ZNF407: variants seen among roughly 807,000 people sequenced by gnomAD.
ZNF407 encodes the protein zinc finger protein 407.
A neutral mutation model predicts 131.2 loss-of-function variants in ZNF407; 17 were observed. That is an observed-to-expected ratio of 0.13 (90% CI 0.09 to 0.19). The LOEUF (loss-of-function observed/expected upper bound fraction) is 0.19. Ranked by LOEUF, ZNF407 falls within the 10% of genes least tolerant of loss-of-function variation. The pLI is 1.00. For missense variants in ZNF407, 2,681 were observed against 2,830.6 expected, an observed-to-expected ratio of 0.95 and a Z score of 1.20; for synonymous variants, 1,156 against 1,062.0, an observed-to-expected ratio of 1.09 and a Z score of -1.72.
Position 74,852,716 on chromosome 18 carries a change from TTTAAA to T in ZNF407, c.4878-24477_4878-24473del, listed in dbSNP as rs1970806527. ...AGTGAGCTTGGGTGCACATTCTCGT[TTTAAA>T]TTAGAGTGTAAGGTGGTAGCCAAGA... On this transcript the variant is annotated intron_variant, in intron 4 of 8. Coordinates refer to ENST00000299687, the MANE Select transcript of ZNF407 (RefSeq NM_017757.3). 2.0e-5 allele frequency among the ~76,000 whole-genome samples: 3 copies of T among 152,096 alleles called. No homozygotes were observed. The South Asian group carries it at 6.2e-4, about 32-fold the overall frequency.
chr18:74,702,275 A>G (rs990294802), intron 3 of ZNF407, among the ~76,000 whole-genome samples: 4 of 152,202 alleles, frequency 2.6e-5, no homozygotes, highest in African/African-American at 7.2e-5. Context: ...TGTTTTATTC[A>G]TGCACGGGTC....
At chr18:74,818,856 A>T (rs1346099650) in intron 4 of ZNF407, among the ~76,000 whole-genome samples, 3 of 88,074 alleles carry the variant, frequency 3.4e-5, no homozygotes, top group Non-Finnish European at 7.6e-5. Flanking sequence ...TTTTAAGGCC[A>T]TTGAACAGTA....
At chr18:74,692,817 C>G (rs1157769756) in intron 3 of ZNF407, among the ~76,000 whole-genome samples, 1 of 152,102 alleles carries the variant, frequency 6.6e-6, no homozygotes, top group Non-Finnish European at 1.5e-5. Context: ...GCCTCCACCC[C>G]TCCCCCAGAG....
chr18:74,749,414 T>C (rs1377302959), intron 3 of ZNF407, among the ~76,000 whole-genome samples: 1 of 152,188 alleles, frequency 6.6e-6, no homozygotes, highest in African/African-American at 2.4e-5. Context: ...ATTGGAATTT[T>C]AGAAATTAAT....
intron 4 of ZNF407, among the ~76,000 whole-genome samples, chr18:74,807,327 G>A (rs1970124957): frequency 6.6e-6 from 1 of 152,140 alleles, no homozygotes; most frequent in African/African-American, 2.4e-5. Context: ...GGGTCCTGTG[G>A]CTGTAACACA....
At chr18:74,697,677 A>G (rs1301961694) in intron 3 of ZNF407, among the ~76,000 whole-genome samples, 1 of 152,168 alleles carries the variant, frequency 6.6e-6, no homozygotes, top group African/African-American at 2.4e-5. Flanking sequence ...CAGAAAGCAC[A>G]TCTTGAAAAA....
intron 8 of ZNF407, among the ~76,000 whole-genome samples, chr18:74,956,960 T>C (rs1972282635): frequency 6.6e-6 from 1 of 152,214 alleles, no homozygotes; most frequent in Non-Finnish European, 1.5e-5. Flanking sequence ...CAGACTGGGA[T>C]ACTCATGTCA....
At chr18:74,993,020 C>T (rs957420423) in intron 8 of ZNF407, among the ~76,000 whole-genome samples, 8 of 152,134 alleles carry the variant, frequency 5.3e-5, no homozygotes, top group Non-Finnish European at 1.2e-4. Flanking sequence ...AATTGTTGGG[C>T]ATTGCTGGTA....
intron 1 of ZNF407, among the ~76,000 whole-genome samples, chr18:74,606,286 CAT>C (rs1262445193): frequency 1.3e-5 from 2 of 152,144 alleles, no homozygotes; most frequent in Non-Finnish European, 2.9e-5. Flanking sequence ...TGAAGCTCAT[CAT>C]GTGTGTAATG....
At position 74,635,498 on chromosome 18, in the gene ZNF407, G is replaced by A; in HGVS notation, c.4479G>A (p.Glu1493=). The change falls in exon 2 of 9, where the codon GAG becomes GAA. Residue 1493 remains glutamate (E), a synonymous_variant. Transcript: ENST00000299687. This position sits in a 1 kb window ranked among gnomAD's most constrained non-coding sequence, Gnocchi z 4.7. ...CCTTTAAATGTGTCAAGTGCACAGAGCCCTTTGATTCTGAACAGAATTTAT... is the reference window on the plus strand; with the variant it reads ...CCTTTAAATGTGTCAAGTGCACAGAACCCTTTGATTCTGAACAGAATTTAT... The part of the protein sequence containing the change: ...GATFKCVKCT[E]PFDSEQNLFL... 6.2e-7 allele frequency: 1 copy of A among 1,612,502 alleles called. No homozygotes were observed. Among genetic ancestry groups the A allele is most frequent in the Non-Finnish European group, 8.5e-7 (1 of 1,179,110 alleles).
intron 8 of ZNF407, among the ~76,000 whole-genome samples, chr18:75,052,998 AT>A (rs1973520230): frequency 6.6e-6 from 1 of 152,272 alleles, no homozygotes; most frequent in South Asian, 2.1e-4. Context: ...ACTGCTAATA[AT>A]TTTTTTAAAA....
intron 8 of ZNF407, among the ~76,000 whole-genome samples, chr18:75,041,258 G>T (rs1973369043): frequency 6.6e-6 from 1 of 152,204 alleles, no homozygotes; most frequent in Non-Finnish European, 1.5e-5. Context: ...CTTAAAGAAA[G>T]GGTAGCATTA....
chr18:74,903,374 G>T (rs1971554525), intron 7 of ZNF407, among the ~76,000 whole-genome samples: 1 of 152,004 alleles, frequency 6.6e-6, no homozygotes, highest in Non-Finnish European at 1.5e-5. Flanking sequence ...TTTTTTTCTA[G>T]ACAACGTATT....
intron 4 of ZNF407, among the ~76,000 whole-genome samples, chr18:74,818,645 A>G (rs1970299064): frequency 6.6e-6 from 1 of 152,166 alleles, no homozygotes; most frequent in African/African-American, 2.4e-5. Flanking sequence ...ACACTTTTTT[A>G]AAAACACACT....
At chr18:74,799,143 AAATTGTT>A (rs1331935227) in intron 4 of ZNF407, among the ~76,000 whole-genome samples, 2 of 152,150 alleles carry the variant, frequency 1.3e-5, no homozygotes, top group African/African-American at 4.8e-5. Flanking sequence ...CTAATATTGT[AAATTGTT>A]TAAACTGTTC....
At chr18:74,623,421 G>C (rs1034781508) in intron 1 of ZNF407, among the ~76,000 whole-genome samples, 1 of 152,154 alleles carries the variant, frequency 6.6e-6, no homozygotes, top group African/African-American at 2.4e-5. Flanking sequence ...AGCTCGCTTC[G>C]TAGATACTCT....
At chr18:74,902,012 A>G (rs956099108) in intron 7 of ZNF407, among the ~76,000 whole-genome samples, 5 of 152,160 alleles carry the variant, frequency 3.3e-5, no homozygotes, top group Non-Finnish European at 7.3e-5. Flanking sequence ...TTGTAAAAGT[A>G]AAACTAATTT....
chr18:74,784,428 A>G (rs932490051), intron 4 of ZNF407, among the ~76,000 whole-genome samples: 6 of 152,214 alleles, frequency 3.9e-5, no homozygotes, highest in Non-Finnish European at 8.8e-5. Context: ...TACTTGTACT[A>G]TAATGTTTGA....
At chr18:74,603,170 A>G (rs1372931157) in intron 1 of ZNF407, among the ~76,000 whole-genome samples, 1 of 152,186 alleles carries the variant, frequency 6.6e-6, no homozygotes, top group Admixed American at 6.5e-5. Flanking sequence ...CATTTATTTA[A>G]AGAAAGTTTT....
Sources: gnomAD v4.1 joint callset for allele counts (sites outside exome capture counted in the v4.1 genomes callset) on GRCh38, gnomAD v4.1.1 for gene constraint, Gnocchi (gnomAD v3.1) non-coding constraint, MANE v1.5 for transcripts, NCBI Gene and HGNC (gene_info 2026-07-23, HGNC 2026-07-21) for gene names.